Variants in RHBDD1 observed in about 807,000 individuals in gnomAD.
The protein encoded by RHBDD1 is rhomboid domain containing 1, also known as rhomboid-related protein 4.
A neutral mutation model predicts 36.3 loss-of-function variants in RHBDD1; 38 were observed. The ratio of observed to expected loss-of-function variants is 1.05; its 90% CI spans 0.81 to 1.37. RHBDD1 has a LOEUF of 1.37. Among genes scored for constraint, RHBDD1 ranks in the 40% most tolerant of loss-of-function variants. The probability of loss-of-function intolerance (pLI) is 0.00; values close to 1 mark genes in which losing one functional copy is unlikely to be tolerated. For missense variants in RHBDD1, 393 were observed against 377.6 expected (o/e 1.04, Z -0.34); for synonymous variants, 151 against 136.5 (o/e 1.11, Z -0.74).
At chr2:226,957,891 C>T (rs1419827112) in intron 8 of RHBDD1, among the ~76,000 whole-genome samples, 121 of 152,242 alleles carry the variant, frequency 7.9e-4, no homozygotes, top group African/African-American at 2.9e-3. Context: ...TTTTTAAAGG[C>T]AATCTTAGGC....
At position 226,999,169 on chromosome 2, in the gene RHBDD1, G is replaced by A. The variant is rs1410066347; in HGVS notation, c.*3647G>A. The A allele has an allele frequency of 6.6e-6, 1 of 152,210 alleles. No individual in the cohort carries two copies. Among genetic ancestry groups the A allele is most frequent in the Non-Finnish European group, 1.5e-5 (1 of 68,044 alleles). The allele number at this position is 152,210 out of a possible 1,614,324, so 9.4% of individuals were successfully genotyped here. The stretch of plus-strand genomic sequence containing the variant: ...CAGTGCCTTGAGCAGTACGTTGTCT[G>A]GAATGTCAGAACCAATAAATACTTG... On this transcript the variant is annotated 3_prime_UTR_variant, in exon 9 of 9. Transcript: ENST00000392062.
Position 226,906,804 on chromosome 2 carries a change from C to A in RHBDD1, c.578C>A (p.Ala193Asp). The A allele has an allele frequency of 6.2e-7, 1 of 1,614,118 alleles. No homozygotes were observed. The highest frequency in any genetic ancestry group is 8.5e-7 in the Non-Finnish European group (1 of 1,179,990). The part of the protein sequence containing the change: ...IHLFSPGTSF[A>D]GHLAGILVGL... ...TCCTTCCCTCCTAGGACTTCCTTCG[C>A]TGGGCATCTGGCTGGGATTCTTGTT... The change falls in exon 6 of 9, where the codon GCT becomes GAT. Residue 193 changes from alanine (A) to aspartate (D), a missense_variant. By Grantham distance (126) the Ala-to-Asp change is moderately radical. Transcript: ENST00000392062.
At chr2:226,905,195 G>A (rs146996876) in intron 5 of RHBDD1, among the ~76,000 whole-genome samples, 39 of 149,950 alleles carry the variant, frequency 2.6e-4, no homozygotes, top group Middle Eastern at 6.8e-3. Flanking sequence ...TTTGTATAAT[G>A]TATGAATGAG....
intron 5 of RHBDD1, among the ~76,000 whole-genome samples, chr2:226,874,895 C>T (rs1359276108): frequency 6.6e-6 from 1 of 152,132 alleles, no homozygotes; most frequent in Admixed American, 6.5e-5. Flanking sequence ...CCTCTCTTCC[C>T]TCTCCCTGGC....
At chr2:226,892,189 A>AT (rs1317990222) in intron 5 of RHBDD1, among the ~76,000 whole-genome samples, 2 of 152,248 alleles carry the variant, frequency 1.3e-5, no homozygotes, top group African/African-American at 4.8e-5. Flanking sequence ...TTTGTTTAAC[A>AT]TTAACTGTGC....
intron 8 of RHBDD1, among the ~76,000 whole-genome samples, chr2:226,952,917 G>A (rs1276229410): frequency 6.6e-6 from 1 of 151,852 alleles, no homozygotes; most frequent in African/African-American, 2.4e-5. Flanking sequence ...GGTTGGGAAT[G>A]TTTAGGGATG....
intron 8 of RHBDD1, among the ~76,000 whole-genome samples, chr2:226,936,679 T>G (rs759624056): frequency 6.6e-6 from 1 of 152,116 alleles, no homozygotes; most frequent in Non-Finnish European, 1.5e-5. Context: ...CAGAAATATT[T>G]CTTTGCACAC....
At chr2:226,802,920 C>T in the RHBDD1 span, among the ~76,000 whole-genome samples, 1 of 152,200 alleles carries the variant, frequency 6.6e-6, no homozygotes, top group Non-Finnish European at 1.5e-5. Context: ...ATGATACTAT[C>T]AGGAAAATAA....
intron 8 of RHBDD1, among the ~76,000 whole-genome samples, chr2:226,920,943 C>A (rs1949265293): frequency 6.6e-6 from 1 of 151,970 alleles, no homozygotes; most frequent in Non-Finnish European, 1.5e-5. Context: ...GTATTCATTC[C>A]TTTTTAAATG....
chr2:226,884,402 C>T (rs1946044683), intron 5 of RHBDD1, among the ~76,000 whole-genome samples: 1 of 152,062 alleles, frequency 6.6e-6, no homozygotes, highest in Non-Finnish European at 1.5e-5. Flanking sequence ...TAAATGTTCC[C>T]TCCATTTAAA....
At chr2:226,805,701 A>G in the RHBDD1 span, among the ~76,000 whole-genome samples, 31 of 152,360 alleles carry the variant, frequency 2.0e-4, no homozygotes, top group East Asian at 3.7e-3. Context: ...TTGATAGCCC[A>G]AAAATGTCTT....
chr2:226,824,314 C>T, the RHBDD1 span, among the ~76,000 whole-genome samples: 1 of 152,046 alleles, frequency 6.6e-6, no homozygotes, highest in Admixed American at 6.6e-5. Context: ...CAATTGGCAG[C>T]ATTAAAACTT....
At chr2:226,827,421 T>A in the RHBDD1 span, among the ~76,000 whole-genome samples, 4 of 152,244 alleles carry the variant, frequency 2.6e-5, no homozygotes, top group Non-Finnish European at 5.9e-5. Context: ...CATGATGGCA[T>A]ACTTATGCCT....
At chr2:226,866,366 G>A (rs774548831) in intron 4 of RHBDD1, among the ~76,000 whole-genome samples, 24 of 152,218 alleles carry the variant, frequency 1.6e-4, no homozygotes, top group Admixed American at 3.9e-4. Flanking sequence ...CACTGTGCCC[G>A]GCCTTGATTT....
At chr2:226,848,155 C>T (rs1302271787) in intron 3 of RHBDD1, among the ~76,000 whole-genome samples, 1 of 151,940 alleles carries the variant, frequency 6.6e-6, no homozygotes, top group Admixed American at 6.6e-5. Context: ...ATAACAATTA[C>T]CAAAAGAAGT....
chr2:226,970,641 T>C (rs1228805530), intron 8 of RHBDD1, among the ~76,000 whole-genome samples: 1 of 152,250 alleles, frequency 6.6e-6, no homozygotes, highest in Non-Finnish European at 1.5e-5. Context: ...CCTGGAGGAA[T>C]AAAGATGTAA....
intron 8 of RHBDD1, among the ~76,000 whole-genome samples, chr2:226,986,696 G>A (rs1957026149): frequency 6.6e-6 from 1 of 152,238 alleles, no homozygotes; most frequent in African/African-American, 2.4e-5. Context: ...TGCTGGAGAG[G>A]ATGTGGAAAA....
chr2:226,815,699 G>A, the RHBDD1 span, among the ~76,000 whole-genome samples: 2 of 151,888 alleles, frequency 1.3e-5, no homozygotes, highest in Admixed American at 1.3e-4. Context: ...TTTCTGATAA[G>A]TGTGTACTCT....
At chr2:226,933,532 C>T (rs529363408) in intron 8 of RHBDD1, among the ~76,000 whole-genome samples, 1 of 151,928 alleles carries the variant, frequency 6.6e-6, no homozygotes, top group African/African-American at 2.4e-5. Flanking sequence ...ACAATTTGGC[C>T]GAAATTTTTT....
Sources: allele counts gnomAD v4.1 joint callset (sites outside exome capture counted in the v4.1 genomes callset), GRCh38; gene constraint gnomAD v4.1.1; transcripts MANE v1.5; gene names NCBI Gene and HGNC (gene_info 2026-07-23, HGNC 2026-07-21).